ASPH: variants seen among roughly 807,000 people sequenced by gnomAD.
The protein encoded by ASPH is aspartate beta-hydroxylase.
In ASPH, 100 loss-of-function variants were observed where a neutral mutation model predicts 118.4. That is an observed-to-expected ratio of 0.84 (90% CI 0.72 to 1.00). The LOEUF is 1.00. Among genes scored for constraint, ASPH ranks in the 50% least tolerant of loss-of-function variants. The pLI is 0.00. For missense variants in ASPH, 920 were observed against 919.5 expected, an observed-to-expected ratio of 1.00 and a Z score of -0.01; for synonymous variants, 315 against 325.6, an observed-to-expected ratio of 0.97 and a Z score of 0.35.
chr8:61,688,768 CATGG>C (rs1831588327), intron 1 of ASPH, among the ~76,000 whole-genome samples: 1 of 152,164 alleles, frequency 6.6e-6, no homozygotes, highest in Admixed American at 6.5e-5. Flanking sequence ...TTCCTAACTA[CATGG>C]ATTACCTAAT....
At chr8:61,541,258 G>C (rs143358885) in intron 21 of ASPH, among the ~76,000 whole-genome samples, 1 of 152,156 alleles carries the variant, frequency 6.6e-6, no homozygotes, top group African/African-American at 2.4e-5. Context: ...CAGCTACTTG[G>C]GAGGCTAAGG....
intron 24 of ASPH, 131 bp downstream of exon 24, chr8:61,517,397 G>C: frequency 7.6e-7 from 1 of 1,322,284 alleles, no homozygotes; most frequent in South Asian, 1.4e-5. Context: ...TAAGAGTTTG[G>C]ATTAATATCA....
chr8:61,639,101 C>T (rs1448376000), intron 10 of ASPH, among the ~76,000 whole-genome samples: 3 of 152,170 alleles, frequency 2.0e-5, no homozygotes, highest in Admixed American at 6.5e-5. Flanking sequence ...TTTAATAGGT[C>T]GTTTTGTCCT....
intron 15 of ASPH, chr8:61,578,670 C>A (rs1489803765): frequency 1.2e-6 from 2 of 1,601,868 alleles, no homozygotes; most frequent in African/African-American, 1.3e-5. Flanking sequence ...TAGGCGGCAG[C>A]TGGAGACTCT....
In ASPH at chr8:61,653,644, A is replaced by G. The variant is rs1005785492; in HGVS notation, c.339T>C (p.Ser113=). The stretch of plus-strand genomic sequence containing the variant: ...CTGGCGGGACTGCTGGCTCTGAAGT[A>G]GATCTCTCTTTAAGTCCTGCATTTT... The part of the protein sequence containing the change: ...AKVLLGLKER[S]TSEPAVPPEE... The change falls in exon 4 of 25, where the codon TCT becomes TCC. Residue 113 remains serine (S), a synonymous_variant. Coordinates refer to ENST00000379454, the MANE Select transcript of ASPH (RefSeq NM_004318.4). The G allele has an allele frequency of 2.5e-6, 4 of 1,613,714 alleles. No homozygotes were observed. The highest frequency in any genetic ancestry group is 3.4e-6 in the Non-Finnish European group (4 of 1,179,948).
At chr8:61,568,118 A>T (rs1832357181) in intron 16 of ASPH, among the ~76,000 whole-genome samples, 1 of 152,182 alleles carries the variant, frequency 6.6e-6, no homozygotes. Context: ...CAATTCTAGT[A>T]CACAAAGTGA....
intron 21 of ASPH, among the ~76,000 whole-genome samples, chr8:61,539,830 A>G (rs1027197755): frequency 3.3e-4 from 50 of 151,722 alleles, no homozygotes; most frequent in African/African-American, 1.2e-3. Context: ...CAATGTTACT[A>G]TAGTGTTTTC....
intron 15 of ASPH, chr8:61,578,734 T>C: frequency 3.7e-6 from 6 of 1,604,526 alleles, no homozygotes; most frequent in Non-Finnish European, 5.1e-6. Flanking sequence ...CAGAGGCTGG[T>C]GGAGGACTTC....
At chr8:61,535,723 A>G (rs958206337) in intron 21 of ASPH, among the ~76,000 whole-genome samples, 3 of 152,238 alleles carry the variant, frequency 2.0e-5, no homozygotes, top group Admixed American at 6.5e-5. Flanking sequence ...TTTTTAAGAG[A>G]TAAAATCAGC....
chr8:61,507,687 G>A (rs1219898844), intron 24 of ASPH, among the ~76,000 whole-genome samples: 2 of 152,168 alleles, frequency 1.3e-5, no homozygotes, highest in Non-Finnish European at 2.9e-5. Context: ...CAAAGGGAGA[G>A]GAGCATAAAG....
chr8:61,703,463 T>C (rs1032361086), intron 1 of ASPH, among the ~76,000 whole-genome samples: 6 of 152,192 alleles, frequency 3.9e-5, no homozygotes, highest in Non-Finnish European at 8.8e-5. Flanking sequence ...CAGTTCTATG[T>C]CTACATCCTA....
chr8:61,535,957 T>A (rs1407508779), intron 21 of ASPH, among the ~76,000 whole-genome samples: 1 of 152,020 alleles, frequency 6.6e-6, no homozygotes, highest in Non-Finnish European at 1.5e-5. Context: ...TAAAGTGTAA[T>A]CTCTCACTGG....
At chr8:61,680,881 T>C in intron 3 of ASPH, 87 bp downstream of exon 3, 1 of 1,154,808 alleles carries the variant, frequency 8.7e-7, no homozygotes. Flanking sequence ...GTAAGATATA[T>C]ACTATTGAGA....
chr8:61,637,175 T>C (rs183471766), intron 12 of ASPH, among the ~76,000 whole-genome samples: 2 of 152,196 alleles, frequency 1.3e-5, no homozygotes, highest in South Asian at 2.1e-4. Context: ...TGGCAACTTA[T>C]GGTTGTTAAA....
chr8:61,681,844 A>G lies in ASPH; in HGVS notation c.254-808T>C, dbSNP rs9298054. On this transcript the variant is annotated intron_variant, in intron 2 of 24. Coordinates refer to ENST00000379454, the MANE Select transcript of ASPH (RefSeq NM_004318.4). ...CACTGTTATTTTGTTTAGCATTTCA[A>G]AAAGTCAAATATATTCAACTCCCTA... Among the ~76,000 whole-genome samples, 836 of 152,054 alleles carry G rather than the reference A, an allele frequency of 5.5e-3. 9 individuals are homozygous for G. Among genetic ancestry groups the G allele is most frequent in the African/African-American group, 0.019 (785 of 41,560 alleles).
chr8:61,639,928 C>G (rs371828974), intron 10 of ASPH, among the ~76,000 whole-genome samples: 19 of 152,136 alleles, frequency 1.2e-4, no homozygotes, highest in African/African-American at 4.1e-4. Flanking sequence ...TTGTCTCCCC[C>G]CAGCTACACC....
chr8:61,624,439 T>C, intron 13 of ASPH: 16 of 983,482 alleles, frequency 1.6e-5, no homozygotes, highest in Non-Finnish European at 1.8e-5. Context: ...TTATCAAAAA[T>C]GCTATAATCT....
intron 6 of ASPH, among the ~76,000 whole-genome samples, chr8:61,645,086 A>G (rs1294599034): frequency 6.6e-6 from 1 of 152,240 alleles, no homozygotes; most frequent in Non-Finnish European, 1.5e-5. Flanking sequence ...TGTGTTGAAC[A>G]CTTAACCCAT....
intron 14 of ASPH, among the ~76,000 whole-genome samples, chr8:61,617,322 C>T (rs1305736386): frequency 6.6e-6 from 1 of 152,092 alleles, no homozygotes; most frequent in African/African-American, 2.4e-5. Flanking sequence ...AGGAGAAAGA[C>T]CAAGAGAATG....
Sources: allele counts gnomAD v4.1 joint callset (sites outside exome capture counted in the v4.1 genomes callset), GRCh38; gene constraint gnomAD v4.1.1; transcripts MANE v1.5; gene names NCBI Gene and HGNC (gene_info 2026-07-23, HGNC 2026-07-21).